Variants in PCDHA5 observed in about 807,000 individuals in gnomAD.
PCDHA5 encodes protocadherin alpha-5.
A neutral mutation model predicts 61.6 loss-of-function variants in PCDHA5; 43 were observed. The ratio of observed to expected loss-of-function variants is 0.70; its 90% CI spans 0.55 to 0.90. The LOEUF is 0.90. Ranked by LOEUF, PCDHA5 falls within the 40% of genes least tolerant of loss-of-function variation. The pLI, the probability that PCDHA5 is intolerant of heterozygous loss-of-function variation, is 0.00. For missense variants in PCDHA5, 1,298 were observed against 1,222.7 expected, an observed-to-expected ratio of 1.06 and a Z score of -0.92; for synonymous variants, 627 against 543.9, an observed-to-expected ratio of 1.15 and a Z score of -2.13.
intron 1 of PCDHA5, chr5:140,852,643 C>A: frequency 2.1e-6 from 2 of 958,796 alleles, no homozygotes; most frequent in Non-Finnish European, 2.5e-6. Context: ...TGTCATTAAA[C>A]CTATCTATAT....
intron 1 of PCDHA5, among the ~76,000 whole-genome samples, chr5:140,839,729 A>G (rs1554137556): frequency 6.6e-6 from 1 of 152,080 alleles, no homozygotes; most frequent in Non-Finnish European, 1.5e-5. Flanking sequence ...CATTTCACAG[A>G]AAATACCCTT....
In PCDHA5 at chr5:140,853,235, T is replaced by C. The variant is rs2150529918; in HGVS notation, c.2352+29108T>C. Reference sequence around the variant, plus strand: ...TTGATGGGATTGGTAATTTAGTCCTTCATATTAATCTCTATTCTCTCTCAG... The same window carrying C: ...TTGATGGGATTGGTAATTTAGTCCTCCATATTAATCTCTATTCTCTCTCAG... On this transcript the variant is annotated intron_variant, in intron 1 of 3. Coordinates refer to ENST00000529859, the MANE Select transcript of PCDHA5 (RefSeq NM_018908.3). 4 of 980,668 alleles carry C rather than the reference T, an allele frequency of 4.1e-6. No individual in the cohort carries two copies. In the East Asian group the frequency reaches 4.6e-4, roughly 112 times the overall value. The allele number at this position is 980,668 out of a possible 1,614,324, so 60.7% of individuals were successfully genotyped here. A position where few individuals can be genotyped will look rare whatever the true frequency, so the allele number is the denominator to read the frequency against.
In PCDHA5 at chr5:140,845,149, T is replaced by C. The variant is rs1779719048; in HGVS notation, c.2352+21022T>C. On this transcript the variant is annotated intron_variant, in intron 1 of 3. Coordinates refer to ENST00000529859, the MANE Select transcript of PCDHA5 (RefSeq NM_018908.3). ...TTTATTTGACTATTTGAACACATTGTGTAAAAGCGAATTGTTTTCATTTTA... is the reference window on the plus strand; with the variant it reads ...TTTATTTGACTATTTGAACACATTGCGTAAAAGCGAATTGTTTTCATTTTA... 1.3e-5 allele frequency among the ~76,000 whole-genome samples: 2 copies of C among 149,682 alleles called. 1 individual carries two copies. The highest frequency in any genetic ancestry group is 1.3e-4 in the Admixed American group (2 of 14,942).
intron 1 of PCDHA5, chr5:140,930,064 C>G (rs2153602971): frequency 6.6e-6 from 1 of 152,306 alleles, no homozygotes; most frequent in Non-Finnish European, 1.5e-5. Context: ...TACACAAAAA[C>G]TGTAAGCCTC....
At chr5:140,997,656 T>G (rs2153947694) in intron 3 of PCDHA5, among the ~76,000 whole-genome samples, 1 of 149,610 alleles carries the variant, frequency 6.7e-6, no homozygotes. Flanking sequence ...GCAATATGTA[T>G]TATTATACAG....
chr5:140,827,773 CG>C (rs1439056383), intron 1 of PCDHA5, among the ~76,000 whole-genome samples: 1 of 152,120 alleles, frequency 6.6e-6, no homozygotes, highest in Non-Finnish European at 1.5e-5. Context: ...TAAAAGAAGT[CG>C]GGATAACACT....
intron 1 of PCDHA5, among the ~76,000 whole-genome samples, chr5:140,918,605 G>T (rs2078775246): frequency 6.6e-6 from 1 of 152,198 alleles, no homozygotes; most frequent in Non-Finnish European, 1.5e-5. Flanking sequence ...ATGTTGCTAT[G>T]ATATGAATGT....
At chr5:140,941,299 TC>T (rs1554214293) in intron 1 of PCDHA5, among the ~76,000 whole-genome samples, 2 of 144,342 alleles carry the variant, frequency 1.4e-5, no homozygotes, top group African/African-American at 2.5e-5. Context: ...TTTCTTTCTT[TC>T]TTTCTTTTTC....
At chr5:140,967,144 C>T (rs1042081336) in intron 1 of PCDHA5, 9 of 1,611,144 alleles carry the variant, frequency 5.6e-6, no homozygotes, top group Non-Finnish European at 7.6e-6. Context: ...TGCTGGCGCA[C>T]AACCCCGTGG....
intron 1 of PCDHA5, chr5:140,882,412 C>A: frequency 6.2e-7 from 1 of 1,614,138 alleles, no homozygotes; most frequent in Non-Finnish European, 8.5e-7. Context: ...TGGGCCGCAT[C>A]GCTCAGGACC....
chr5:140,968,077 C>A lies in PCDHA5; in HGVS notation c.2353-10872C>A, dbSNP rs1274008262. 2.5e-6 allele frequency: 4 copies of A among 1,614,020 alleles called. No homozygotes were observed. In the African/African-American group the frequency reaches 4.0e-5, roughly 16 times the overall value. On this transcript the variant is annotated intron_variant, in intron 1 of 3. Coordinates refer to ENST00000529859, the MANE Select transcript of PCDHA5 (RefSeq NM_018908.3). ...GAGAGCGGGTGGCTGTCTACAACAT[C>A]ACGGTGACAGCCACAGATGGGGGAA...
chr5:140,956,749 G>A (rs1179471294), intron 1 of PCDHA5, among the ~76,000 whole-genome samples: 5 of 152,144 alleles, frequency 3.3e-5, no homozygotes, highest in African/African-American at 1.2e-4. Context: ...ACCTCTGATA[G>A]AATTCAGCTG....
chr5:140,926,353 C>T (rs1402316154), intron 1 of PCDHA5: 1 of 152,272 alleles, frequency 6.6e-6, no homozygotes, highest in Non-Finnish European at 1.5e-5. Flanking sequence ...ACGCGCGGCT[C>T]CCAAAGGGCG....
At chr5:140,982,360 AG>A in intron 2 of PCDHA5, 114 bp from the exon 3 acceptor site, 1 of 1,527,158 alleles carries the variant, frequency 6.5e-7, no homozygotes, top group Non-Finnish European at 8.8e-7. Context: ...AAGCATGAGC[AG>A]AATGTGTTAG....
At chr5:140,863,157 C>A (rs782159779) in intron 1 of PCDHA5, 7 of 638,840 alleles carry the variant, frequency 1.1e-5, no homozygotes, top group South Asian at 5.4e-5. Flanking sequence ...AGGACCACTG[C>A]GAGCTGGCGC....
intron 1 of PCDHA5, chr5:140,869,076 C>T (rs367613564): frequency 1.9e-6 from 3 of 1,577,816 alleles, no homozygotes; most frequent in African/African-American, 2.7e-5. Context: ...TGTAAAGAAG[C>T]TTATTTTGGA....
At chr5:140,875,868 G>A (rs781927681) in intron 1 of PCDHA5, 3 of 1,614,210 alleles carry the variant, frequency 1.9e-6, no homozygotes, top group Non-Finnish European at 8.5e-7. Context: ...ACCCGCCGGT[G>A]TTCAGAGAAA....
At chr5:140,836,542 C>T (rs2150263545) in intron 1 of PCDHA5, 1 of 1,613,772 alleles carries the variant, frequency 6.2e-7, no homozygotes, top group Non-Finnish European at 8.5e-7. Context: ...CTGTACACGG[C>T]GTTGCGGTGC....
At chr5:140,835,406 G>A (rs1773617181) in intron 1 of PCDHA5, 1 of 1,613,856 alleles carries the variant, frequency 6.2e-7, no homozygotes, top group African/African-American at 1.3e-5. Context: ...TGGAAGTTGT[G>A]GATGTAAATG....
Sources: allele counts gnomAD v4.1 joint callset (sites outside exome capture counted in the v4.1 genomes callset), GRCh38; gene constraint gnomAD v4.1.1; transcripts MANE v1.5; gene names NCBI Gene and HGNC (gene_info 2026-07-23, HGNC 2026-07-21).